ARIH2: variants seen among roughly 807,000 people sequenced by gnomAD.
ARIH2 encodes the protein E3 ubiquitin-protein ligase ARIH2.
In ARIH2, 12 loss-of-function variants were observed where a neutral mutation model predicts 79.8. The ratio of observed to expected loss-of-function variants is 0.15; its 90% CI spans 0.10 to 0.24. ARIH2 has a LOEUF of 0.24. ARIH2 is among the 10% of genes least tolerant of loss of function. The pLI is 1.00. For synonymous variants in ARIH2, 224 were observed against 213.9 expected (o/e 1.05, Z -0.41); for missense variants, 301 against 618.3 (o/e 0.49, Z 5.44).
chr3:48,922,799 C>G lies in ARIH2; in HGVS notation c.-110C>G, dbSNP rs1291407670. ...TGGGTGACATCTGCCTGAGAGATCT[C>G]CAAGAATTACAGGTATCTTTAATTT... On this transcript the variant is annotated 5_prime_UTR_variant, in exon 2 of 16. Coordinates refer to ENST00000356401, the MANE Select transcript of ARIH2 (RefSeq NM_006321.4). The G allele has an allele frequency of 6.6e-6, 1 of 151,950 alleles. No individual in the cohort carries two copies. The highest frequency in any genetic ancestry group is 1.5e-5 in the Non-Finnish European group (1 of 68,010). 9.4% of individuals were successfully genotyped at this position (151,950 alleles called of 1,614,324 possible).
chr3:48,927,875 T>C, intron 3 of ARIH2, 62 bp downstream of exon 3: 1 of 1,572,934 alleles, frequency 6.4e-7, no homozygotes, highest in East Asian at 2.3e-5. Flanking sequence ...TGAGCTGTTG[T>C]TAATTAATGT....
chr3:48,936,708 T>G (rs1474663453), intron 3 of ARIH2, among the ~76,000 whole-genome samples: 40 of 133,712 alleles, frequency 3.0e-4, no homozygotes, highest in South Asian at 7.2e-4. Context: ...ACTCCAGCCT[T>G]GGCAACAGAG....
rs1310813628 is a variant in ARIH2, at chr3:48,979,398, GGTCT to G, written c.962-75_962-72del. On this transcript the variant is annotated intron_variant, in intron 11 of 15. Transcript: ENST00000356401. ...GTTCAGGTGACCCCTTTGGGAGCAG[GGTCT>G]GTCTGTCTCACTCCTCTGCCTATGG... The G allele has an allele frequency of 2.7e-6, 4 of 1,479,012 alleles. No homozygotes were observed. In the South Asian group the frequency reaches 3.9e-5, roughly 14 times the overall value. The allele number at this position is 1,479,012 out of a possible 1,614,324, so 91.6% of individuals were successfully genotyped here.
At chr3:48,961,094 G>T (rs2091199471) in intron 3 of ARIH2, among the ~76,000 whole-genome samples, 1 of 152,212 alleles carries the variant, frequency 6.6e-6, no homozygotes, top group Non-Finnish European at 1.5e-5. Context: ...AACTAGGACT[G>T]ATTGGCTGCT....
At chr3:48,962,193 A>G (rs1198081347) in intron 4 of ARIH2, among the ~76,000 whole-genome samples, 1 of 152,102 alleles carries the variant, frequency 6.6e-6, no homozygotes, top group African/African-American at 2.4e-5. Flanking sequence ...CCTGGCCAGC[A>G]TGATGAAACC....
intron 3 of ARIH2, among the ~76,000 whole-genome samples, chr3:48,958,931 C>T (rs1370820738): frequency 6.6e-6 from 1 of 151,932 alleles, no homozygotes; most frequent in African/African-American, 2.4e-5. Context: ...GGGAGTATCA[C>T]TTGAGCCCAG....
intron 11 of ARIH2, among the ~76,000 whole-genome samples, chr3:48,979,156 CCTT>C (rs1295244080): frequency 6.6e-6 from 1 of 152,158 alleles, no homozygotes; most frequent in Non-Finnish European, 1.5e-5. Context: ...ACTAGTTCCT[CCTT>C]CTTATAGTGG....
chr3:48,935,236 T>A (rs547905555), intron 3 of ARIH2, among the ~76,000 whole-genome samples: 3 of 152,204 alleles, frequency 2.0e-5, no homozygotes, highest in African/African-American at 7.2e-5. Context: ...AAAATAACTG[T>A]AAACAAAACA....
At chr3:48,970,161 G>A (rs1453942740) in intron 7 of ARIH2, among the ~76,000 whole-genome samples, 1 of 151,044 alleles carries the variant, frequency 6.6e-6, no homozygotes, top group African/African-American at 2.4e-5. Context: ...CAAAGTGCTG[G>A]GATTACAGGC....
chr3:48,939,757 C>CAAAAAAAAAAAAAAAAAAAAAAAAAA (rs1190260583), intron 3 of ARIH2, among the ~76,000 whole-genome samples: 2 of 43,518 alleles, frequency 4.6e-5, no homozygotes, highest in Non-Finnish European at 1.3e-4. Context: ...GACTCCATCT[C>CAAAAAAAAAAAAAAAAAAAAAAAAAA]AAAAAAAAAA....
Position 48,968,618 on chromosome 3 carries a change from A to G in ARIH2, c.623A>G (p.Glu208Gly). Residue 208 changes from glutamate to glycine, a missense_variant, in exon 7 of 16, where the codon GAG (glutamate) becomes GGG (glycine). Glu to Gly is a moderately conservative substitution (Grantham distance 98). Transcript: ENST00000356401. The stretch of plus-strand genomic sequence containing the variant: ...TTGCTTCCCAATGAAGAATTGAGAG[A>G]GAAATACAGGCGCTACCTCTTCAGG... ...FPLLPNEELR[E>G]KYRRYLFRDY... is the part of the protein sequence containing the mutation. The G allele has an allele frequency of 6.2e-7, 1 of 1,611,482 alleles. No individual in the cohort carries two copies. Among genetic ancestry groups the G allele is most frequent in the Non-Finnish European group, 8.5e-7 (1 of 1,178,128 alleles).
chr3:48,925,057 TG>T (rs1225237846), intron 2 of ARIH2: 2 of 152,020 alleles, frequency 1.3e-5, no homozygotes, highest in African/African-American at 2.4e-5. Context: ...CTCAATCTCC[TG>T]GCCTCAGGTG....
chr3:48,983,110 T>C, intron 15 of ARIH2, 89 bp from the exon 16 acceptor site: 1 of 1,535,526 alleles, frequency 6.5e-7, no homozygotes, highest in Non-Finnish European at 9.0e-7. Flanking sequence ...TTTGACTCCT[T>C]GGAGGTCCTG....
chr3:48,950,655 G>T (rs1243834997), intron 3 of ARIH2, among the ~76,000 whole-genome samples: 1 of 152,184 alleles, frequency 6.6e-6, no homozygotes, highest in Non-Finnish European at 1.5e-5. Context: ...TGGTAGCTAT[G>T]TGTGGCCATT....
At chr3:48,964,664 C>T (rs2091602146) in intron 4 of ARIH2, among the ~76,000 whole-genome samples, 1 of 152,062 alleles carries the variant, frequency 6.6e-6, no homozygotes, top group Non-Finnish European at 1.5e-5. Context: ...TGGCTTTTGA[C>T]TTTGGTGTCT....
chr3:48,980,006 G>C (rs1034404424), intron 12 of ARIH2: 1 of 235,442 alleles, frequency 4.2e-6, no homozygotes, highest in African/African-American at 2.3e-5. Context: ...CATCTTAGTA[G>C]TCAGATTTGG....
At chr3:48,933,504 T>G (rs527284822) in intron 3 of ARIH2, among the ~76,000 whole-genome samples, 3 of 151,778 alleles carry the variant, frequency 2.0e-5, no homozygotes, top group Non-Finnish European at 4.4e-5. Flanking sequence ...TTAAAACTTA[T>G]TCAGCACATG....
intron 3 of ARIH2, chr3:48,934,858 C>T (rs1378674817): frequency 2.0e-5 from 20 of 985,286 alleles, no homozygotes; most frequent in Non-Finnish European, 2.4e-5. Flanking sequence ...AGCTCTTCAT[C>T]AGATTCAAGG....
At chr3:48,925,418 CTTT>C (rs34604342) in intron 2 of ARIH2, among the ~76,000 whole-genome samples, 9 of 145,378 alleles carry the variant, frequency 6.2e-5, no homozygotes, top group Admixed American at 1.4e-4. Context: ...CAGCTGATTT[CTTT>C]TTTTTTTTTT....
Sources: allele counts gnomAD v4.1 joint callset (sites outside exome capture counted in the v4.1 genomes callset), GRCh38; gene constraint gnomAD v4.1.1; transcripts MANE v1.5; gene names NCBI Gene and HGNC (gene_info 2026-07-23, HGNC 2026-07-21).